The following NTM variants were observed in gnomAD, a reference collection of about 807,000 sequenced individuals.
NTM encodes IgLON family member 2.
Under a neutral mutation model 42.1 loss-of-function variants are expected in NTM, and 13 were observed. The observed-to-expected ratio is 0.31, with a 90% CI of 0.20 to 0.49. The LOEUF is 0.49. Ranked by LOEUF, NTM falls within the 20% of genes least tolerant of loss-of-function variation. NTM has a pLI of 0.99. For missense variants in NTM, 373 were observed against 452.8 expected (o/e 0.82, Z 1.60); for synonymous variants, 187 against 179.2 (o/e 1.04, Z -0.35).
intron 1 of NTM, among the ~76,000 whole-genome samples, chr11:131,460,640 C>A (rs1177805952): frequency 6.6e-6 from 1 of 152,140 alleles, no homozygotes; most frequent in East Asian, 1.9e-4. Context: ...GCAACCTCTG[C>A]CTCCCGGGTT....
chr11:131,640,276 G>A (rs1436874896), intron 1 of NTM, among the ~76,000 whole-genome samples: 1 of 152,176 alleles, frequency 6.6e-6, no homozygotes, highest in Non-Finnish European at 1.5e-5. Flanking sequence ...TGTGCAACCT[G>A]TTCTTATGAG....
At chr11:131,482,228 G>T (rs1338182695) in intron 1 of NTM, among the ~76,000 whole-genome samples, 2 of 152,136 alleles carry the variant, frequency 1.3e-5, no homozygotes, top group Non-Finnish European at 2.9e-5. Flanking sequence ...GTAATGGAGA[G>T]TTGCCACTCC....
intron 1 of NTM, among the ~76,000 whole-genome samples, chr11:131,710,321 CTTG>C (rs1268627034): frequency 6.6e-6 from 1 of 152,160 alleles, no homozygotes; most frequent in Non-Finnish European, 1.5e-5. Flanking sequence ...CCCATGATAT[CTTG>C]TTGTATGCAG....
At chr11:131,501,878 A>AGTGT (rs34828229) in intron 1 of NTM, among the ~76,000 whole-genome samples, 262 of 150,806 alleles carry the variant, frequency 1.7e-3, no homozygotes, top group African/African-American at 5.3e-3. Context: ...TGTGTGTGTG[A>AGTGT]GTGTGTGTGT....
intron 1 of NTM, among the ~76,000 whole-genome samples, chr11:131,778,713 C>G (rs1271201289): frequency 1.3e-5 from 2 of 152,300 alleles, no homozygotes; most frequent in African/African-American, 4.8e-5. Flanking sequence ...AATATTGACT[C>G]TCTTTCCCAT....
intron 1 of NTM, among the ~76,000 whole-genome samples, chr11:131,742,167 C>T (rs1408115813): frequency 6.6e-6 from 1 of 152,122 alleles, no homozygotes; most frequent in Non-Finnish European, 1.5e-5. Flanking sequence ...TACAACCAAT[C>T]CCCATGACAC....
intron 1 of NTM, among the ~76,000 whole-genome samples, chr11:131,728,597 T>A (rs2079240329): frequency 6.6e-6 from 1 of 152,182 alleles, no homozygotes; most frequent in Non-Finnish European, 1.5e-5. Context: ...ATGCCAGTGT[T>A]CCATTATTGG....
At chr11:132,243,402 G>A (rs1316297454) in intron 4 of NTM, among the ~76,000 whole-genome samples, 2 of 152,082 alleles carry the variant, frequency 1.3e-5, no homozygotes, top group East Asian at 3.9e-4. Flanking sequence ...GGGGTACGTC[G>A]AGGCATTGAC....
chr11:131,569,146 A>ATTT (rs34930353), intron 1 of NTM, among the ~76,000 whole-genome samples: 22 of 137,416 alleles, frequency 1.6e-4, no homozygotes, highest in African/African-American at 5.0e-4. Flanking sequence ...TTTCGTTTTC[A>ATTT]TTTTTTTTTT....
At chr11:132,224,639 T>A (rs1299034990) in intron 4 of NTM, among the ~76,000 whole-genome samples, 1 of 152,046 alleles carries the variant, frequency 6.6e-6, no homozygotes, top group Non-Finnish European at 1.5e-5. Context: ...GCAGTGGCAG[T>A]AAGTGGGTAG....
chr11:131,385,654 A>G (rs1047570839), intron 1 of NTM, among the ~76,000 whole-genome samples: 11 of 152,254 alleles, frequency 7.2e-5, no homozygotes, highest in African/African-American at 2.6e-4. Context: ...AGAGTTCATG[A>G]CCAGCCTGGG....
intron 2 of NTM, among the ~76,000 whole-genome samples, chr11:131,929,323 C>CA (rs2058324428): frequency 7.0e-6 from 1 of 142,316 alleles, no homozygotes; most frequent in Non-Finnish European, 1.5e-5. Flanking sequence ...CCTGAACCAA[C>CA]GGGGGGGCAC....
intron 2 of NTM, among the ~76,000 whole-genome samples, chr11:132,007,381 G>A (rs554928677): frequency 6.6e-5 from 10 of 152,178 alleles, no homozygotes; most frequent in African/African-American, 2.4e-4. Flanking sequence ...ATGCCAGGCT[G>A]CACAGCAGGA....
At chr11:131,425,650 A>G (rs1283845118) in intron 1 of NTM, among the ~76,000 whole-genome samples, 1 of 152,198 alleles carries the variant, frequency 6.6e-6, no homozygotes. Context: ...GGAGAAGGGC[A>G]AAGCAGGATC....
intron 1 of NTM, among the ~76,000 whole-genome samples, chr11:131,759,950 T>G (rs6590594): frequency 0.12 from 17,832 of 152,140 alleles, 1,693 homozygotes; most frequent in African/African-American, 0.26. Context: ...ATAACTTTCC[T>G]AACATGAACC....
At chr11:131,834,637 T>TATATATAG in intron 1 of NTM, among the ~76,000 whole-genome samples, 1 of 146,968 alleles carries the variant, frequency 6.8e-6, no homozygotes, top group Non-Finnish European at 1.5e-5. Context: ...TATATATATA[T>TATATATAG]ATATATATGT....
At chr11:132,281,187 G>T (rs1839317) in intron 4 of NTM, among the ~76,000 whole-genome samples, 34,767 of 152,048 alleles carry the variant, frequency 0.23, 4,829 homozygotes, top group East Asian at 0.63. Context: ...TGACCAGTGG[G>T]TCTTCAGAGC....
chr11:131,565,776 C>T (rs1565646000), intron 1 of NTM, among the ~76,000 whole-genome samples: 1 of 152,162 alleles, frequency 6.6e-6, no homozygotes, highest in Admixed American at 6.5e-5. Context: ...TTCTGAACAC[C>T]CTGGACCTGG....
At chr11:131,530,425 C>CAA (rs60376694) in intron 1 of NTM, among the ~76,000 whole-genome samples, 12,283 of 84,774 alleles carry the variant, frequency 0.14, 957 homozygotes, top group East Asian at 0.33. Flanking sequence ...GTGCCTTTCT[C>CAA]AAAAAAAAAA....
Sources: allele counts gnomAD v4.1 joint callset (sites outside exome capture counted in the v4.1 genomes callset), GRCh38; gene constraint gnomAD v4.1.1; transcripts MANE v1.5; gene names NCBI Gene and HGNC (gene_info 2026-07-23, HGNC 2026-07-21).